HIBADH: variants seen among roughly 807,000 people sequenced by gnomAD.
HIBADH encodes 3-hydroxyisobutyrate dehydrogenase.
HIBADH carries 25 observed loss-of-function variants against 36.1 expected under a neutral mutation model. That is an observed-to-expected ratio of 0.69 (90% CI 0.50 to 0.97). HIBADH has a LOEUF of 0.97. HIBADH is among the 50% of genes least tolerant of loss of function. The pLI is 0.00. For missense variants in HIBADH, 421 were observed against 418.0 expected (o/e 1.01, Z -0.06); for synonymous variants, 160 against 149.5 (o/e 1.07, Z -0.51).
At chr7:27,623,109 C>A (rs1030152244) in intron 4 of HIBADH, among the ~76,000 whole-genome samples, 1 of 152,082 alleles carries the variant, frequency 6.6e-6, no homozygotes, top group Admixed American at 6.5e-5. Flanking sequence ...TGGTTCTATG[C>A]AAATCAACAA....
chr7:27,599,680 C>CAAAAAAAA (rs3072889), intron 4 of HIBADH, among the ~76,000 whole-genome samples: 9 of 41,074 alleles, frequency 2.2e-4, no homozygotes, highest in African/African-American at 8.3e-4. Context: ...ACTCTGTCTC[C>CAAAAAAAA]AAAAAAAAAA....
intron 4 of HIBADH, among the ~76,000 whole-genome samples, chr7:27,616,070 A>G (rs777047352): frequency 7.9e-5 from 12 of 152,170 alleles, no homozygotes; most frequent in South Asian, 4.1e-4. Flanking sequence ...ACTAGCACCA[A>G]TGCATTTTCT....
At chr7:27,606,976 T>C (rs543796889) in intron 4 of HIBADH, among the ~76,000 whole-genome samples, 2 of 152,306 alleles carry the variant, frequency 1.3e-5, no homozygotes, top group East Asian at 1.9e-4. Flanking sequence ...CCCTAACCCT[T>C]GTTCACTAGC....
intron 2 of HIBADH, among the ~76,000 whole-genome samples, chr7:27,634,038 C>A (rs914124914): frequency 2.0e-5 from 3 of 152,124 alleles, no homozygotes; most frequent in Non-Finnish European, 2.9e-5. Flanking sequence ...TTTCAGTTTT[C>A]CACAAGAGAC....
At chr7:27,615,166 G>A (rs1450344439) in intron 4 of HIBADH, among the ~76,000 whole-genome samples, 3 of 152,078 alleles carry the variant, frequency 2.0e-5, no homozygotes, top group Non-Finnish European at 4.4e-5. Flanking sequence ...TAAATAAAAT[G>A]GATACAAATG....
At chr7:27,526,498 A>G (rs1450401866) in intron 7 of HIBADH, 126 bp from the exon 8 acceptor site, 2 of 640,988 alleles carry the variant, frequency 3.1e-6, no homozygotes, top group Admixed American at 8.2e-5. Flanking sequence ...ACTTATAAAT[A>G]CTATGGTAAG....
chr7:27,533,126 G>A (rs557747070), intron 6 of HIBADH, among the ~76,000 whole-genome samples: 1 of 152,244 alleles, frequency 6.6e-6, no homozygotes, highest in African/African-American at 2.4e-5. Flanking sequence ...TAAAGCAGCA[G>A]AATTCCTTCC....
chr7:27,651,102 A>T (rs957487342), intron 1 of HIBADH, among the ~76,000 whole-genome samples: 2 of 152,204 alleles, frequency 1.3e-5, no homozygotes, highest in Admixed American at 1.3e-4. Flanking sequence ...GCAACAACTA[A>T]TCACAGTCCC....
At chr7:27,617,356 A>G (rs975881995) in intron 4 of HIBADH, among the ~76,000 whole-genome samples, 1 of 152,228 alleles carries the variant, frequency 6.6e-6, no homozygotes, top group East Asian at 1.9e-4. Context: ...CTATGATGTT[A>G]GAACAATGAC....
intron 4 of HIBADH, among the ~76,000 whole-genome samples, chr7:27,570,622 A>G (rs1040427035): frequency 6.6e-6 from 1 of 151,650 alleles, no homozygotes; most frequent in African/African-American, 2.4e-5. Flanking sequence ...TTACACGACT[A>G]TATATAGTTG....
chr7:27,528,630 C>T (rs536535936), intron 7 of HIBADH, among the ~76,000 whole-genome samples: 15 of 152,252 alleles, frequency 9.9e-5, no homozygotes, highest in East Asian at 7.7e-4. Context: ...CTGCAGAAGA[C>T]GTGTGAAGCT....
intron 1 of HIBADH, among the ~76,000 whole-genome samples, chr7:27,652,135 G>T (rs1211289522): frequency 6.6e-6 from 1 of 152,180 alleles, no homozygotes; most frequent in Admixed American, 6.5e-5. Flanking sequence ...CCATCTTACA[G>T]CTGAGAACCC....
At chr7:27,566,650 GA>G (rs1784552861) in intron 4 of HIBADH, among the ~76,000 whole-genome samples, 1 of 151,748 alleles carries the variant, frequency 6.6e-6, no homozygotes, top group Non-Finnish European at 1.5e-5. Context: ...TTACTGATAT[GA>G]GACTCCTTTT....
intron 4 of HIBADH, among the ~76,000 whole-genome samples, chr7:27,620,961 ACAATC>A (rs920068341): frequency 2.6e-5 from 4 of 152,076 alleles, no homozygotes; most frequent in African/African-American, 9.7e-5. Context: ...AAAAAAAAAA[ACAATC>A]CAACTGCTTA....
intron 4 of HIBADH, among the ~76,000 whole-genome samples, chr7:27,565,018 G>A (rs1021770379): frequency 6.6e-6 from 1 of 152,076 alleles, no homozygotes; most frequent in South Asian, 2.1e-4. Context: ...CCTAGAGAGA[G>A]TAAAAGACTA....
At chr7:27,574,027 T>G (rs1346895523) in intron 4 of HIBADH, among the ~76,000 whole-genome samples, 1 of 152,160 alleles carries the variant, frequency 6.6e-6, no homozygotes, top group Non-Finnish European at 1.5e-5. Flanking sequence ...CCTAAAAGAT[T>G]AGAAAAACTG....
At chr7:27,611,621 G>A (rs1455602901) in intron 4 of HIBADH, among the ~76,000 whole-genome samples, 1 of 152,082 alleles carries the variant, frequency 6.6e-6, no homozygotes, top group Non-Finnish European at 1.5e-5. Context: ...AGTTAATAGG[G>A]CATCATACTT....
intron 4 of HIBADH, among the ~76,000 whole-genome samples, chr7:27,562,022 A>G (rs1784475281): frequency 6.6e-6 from 1 of 152,116 alleles, no homozygotes; most frequent in Non-Finnish European, 1.5e-5. Context: ...TGTCTTATAA[A>G]TAAGATTCAG....
At chr7:27,608,913 A>G (rs1333068299) in intron 4 of HIBADH, among the ~76,000 whole-genome samples, 2 of 152,178 alleles carry the variant, frequency 1.3e-5, no homozygotes, top group East Asian at 3.8e-4. Flanking sequence ...TTCCAGCATA[A>G]CCATGTAAAG....
Sources: gnomAD v4.1 joint callset for allele counts (sites outside exome capture counted in the v4.1 genomes callset) on GRCh38, gnomAD v4.1.1 for gene constraint, MANE v1.5 for transcripts, NCBI Gene and HGNC (gene_info 2026-07-23, HGNC 2026-07-21) for gene names.